Variants in DNAJC5B observed in about 807,000 individuals in gnomAD.
DNAJC5B encodes the protein dnaJ homolog subfamily C member 5B.
In DNAJC5B, 23 loss-of-function variants were observed where a neutral mutation model predicts 24.7. The ratio of observed to expected loss-of-function variants is 0.93; its 90% CI spans 0.67 to 1.32. The LOEUF is 1.32. DNAJC5B is among the 40% of genes most tolerant of loss of function. The probability of loss-of-function intolerance (pLI) is 0.00; values close to 1 mark genes in which losing one functional copy is unlikely to be tolerated. For synonymous variants in DNAJC5B, 101 were observed against 90.1 expected, an observed-to-expected ratio of 1.12 and a Z score of -0.68; for missense variants, 238 against 240.8, an observed-to-expected ratio of 0.99 and a Z score of 0.08.
chr8:66,016,873 A>G (rs987095919), upstream of DNAJC5B, among the ~76,000 whole-genome samples: 2 of 152,206 alleles, frequency 1.3e-5, no homozygotes, highest in Admixed American at 1.3e-4. Context: ...TATTAGCAGC[A>G]GTCTTTTGGA....
chr8:66,081,357 C>G (rs1452310506), intron 5 of DNAJC5B, among the ~76,000 whole-genome samples: 1 of 152,140 alleles, frequency 6.6e-6, no homozygotes, highest in African/African-American at 2.4e-5. Flanking sequence ...CATTCTCTCC[C>G]ATTATTCTCT....
intron 4 of DNAJC5B, among the ~76,000 whole-genome samples, chr8:66,078,973 A>G (rs921116138): frequency 3.9e-5 from 6 of 152,146 alleles, no homozygotes; most frequent in Non-Finnish European, 7.3e-5. Flanking sequence ...AATTAGATAA[A>G]ATCTGTGTTT....
chr8:66,080,319 G>A (rs932374784), intron 4 of DNAJC5B, 58 bp from the exon 5 acceptor site: 13 of 1,571,932 alleles, frequency 8.3e-6, no homozygotes, highest in Non-Finnish European at 1.0e-5. Flanking sequence ...GATTTCATGG[G>A]TTCTCCCCTC....
intron 1 of DNAJC5B, among the ~76,000 whole-genome samples, chr8:66,040,113 C>T (rs1806575117): frequency 6.6e-6 from 1 of 152,054 alleles, no homozygotes; most frequent in African/African-American, 2.4e-5. Context: ...GACTTGCGGC[C>T]ACACACAGTG....
At chr8:66,061,365 A>G (rs757496217) in intron 3 of DNAJC5B, among the ~76,000 whole-genome samples, 20 of 152,192 alleles carry the variant, frequency 1.3e-4, no homozygotes, top group Non-Finnish European at 2.1e-4. Context: ...CTTCATAAGT[A>G]AAGTGCAGAT....
intron 3 of DNAJC5B, chr8:66,056,862 C>T (rs13262438): frequency 0.13 from 19,094 of 152,260 alleles, 1,822 homozygotes; most frequent in East Asian, 0.33. Context: ...CATCATAGGC[C>T]GGGTGCGGTG....
intron 5 of DNAJC5B, among the ~76,000 whole-genome samples, chr8:66,083,728 A>C (rs1031655477): frequency 3.9e-5 from 6 of 152,190 alleles, no homozygotes; most frequent in Admixed American, 1.3e-4. Context: ...GTGGGGCTAC[A>C]ATAATTAACA....
chr8:66,051,614 A>T lies in DNAJC5B; in HGVS notation c.67A>T (p.Ile23Phe). 6.2e-7 allele frequency: 1 copy of T among 1,614,156 alleles called. No individual in the cohort carries two copies. The highest frequency in any genetic ancestry group is 8.5e-7 in the Non-Finnish European group (1 of 1,180,014). Residue 23 changes from isoleucine to phenylalanine, a missense_variant, in exon 3 of 6, where the codon ATT becomes TTT. Coordinates refer to ENST00000276570, the MANE Select transcript of DNAJC5B (RefSeq NM_033105.6). The part of the protein sequence containing the change: ...LSTTGEALYE[I>F]LGLHKGASNE... ...AACAACAGGAGAAGCTCTATACGAA[A>T]TTCTTGGTCTGCATAAGGGAGCATC...
At chr8:66,064,370 C>T (rs1425272807) in intron 3 of DNAJC5B, among the ~76,000 whole-genome samples, 1 of 152,128 alleles carries the variant, frequency 6.6e-6, no homozygotes, top group African/African-American at 2.4e-5. Context: ...GAACTTAAGC[C>T]AGAAGCCGGC....
intron 3 of DNAJC5B, among the ~76,000 whole-genome samples, chr8:66,074,504 C>T (rs1275556290): frequency 6.6e-6 from 1 of 152,160 alleles, no homozygotes; most frequent in Non-Finnish European, 1.5e-5. Flanking sequence ...GCATTGAATG[C>T]TATTTCTAAT....
intron 5 of DNAJC5B, among the ~76,000 whole-genome samples, chr8:66,095,123 C>T (rs542554571): frequency 1.1e-3 from 163 of 152,134 alleles, no homozygotes; most frequent in Middle Eastern, 0.01. Context: ...AAATAAATTA[C>T]GAAGTATTCC....
chr8:66,076,760 A>T lies in DNAJC5B; in HGVS notation c.220A>T (p.Ile74Phe), dbSNP rs375556133. The T allele has an allele frequency of 3.7e-6, 6 of 1,614,096 alleles. No individual in the cohort carries two copies. In the African/African-American group the frequency reaches 6.7e-5, roughly 18 times the overall value. Residue 74 changes from isoleucine to phenylalanine, a missense_variant, in exon 4 of 6, where the codon ATT becomes TTT. Transcript: ENST00000276570. ...INNAHAILTD[I>F]SKRSIYDKYG... The stretch of plus-strand genomic sequence containing the variant: ...CAACGCCCACGCAATACTTACCGAC[A>T]TTTCAAAGAGAAGCATATACGACAA...
At chr8:66,062,086 G>A (rs1337426805) in intron 3 of DNAJC5B, among the ~76,000 whole-genome samples, 1 of 152,252 alleles carries the variant, frequency 6.6e-6, no homozygotes, top group Non-Finnish European at 1.5e-5. Flanking sequence ...CATTCCATCA[G>A]TTCCTTGAGG....
intron 3 of DNAJC5B, among the ~76,000 whole-genome samples, chr8:66,072,567 T>C (rs920984602): frequency 2.0e-5 from 3 of 152,162 alleles, no homozygotes; most frequent in Non-Finnish European, 4.4e-5. Context: ...AGCAATGCAA[T>C]TATGTTAAAG....
chr8:66,026,307 C>T (rs1325317874), intron 1 of DNAJC5B, among the ~76,000 whole-genome samples: 1 of 151,902 alleles, frequency 6.6e-6, no homozygotes, highest in East Asian at 1.9e-4. Flanking sequence ...TGCTTATCAG[C>T]TTAAGGAGAT....
chr8:66,017,170 A>G (rs1194673915), upstream of DNAJC5B, among the ~76,000 whole-genome samples: 2 of 152,156 alleles, frequency 1.3e-5, no homozygotes, highest in Non-Finnish European at 2.9e-5. Context: ...TGCCTCTGCT[A>G]ATGACTTGAG....
At chr8:66,065,488 A>G (rs1376134346) in intron 3 of DNAJC5B, among the ~76,000 whole-genome samples, 2 of 152,198 alleles carry the variant, frequency 1.3e-5, no homozygotes, top group African/African-American at 2.4e-5. Flanking sequence ...CGAGCTTTCT[A>G]TTCTGTCCCT....
chr8:66,088,153 C>T, intron 5 of DNAJC5B, among the ~76,000 whole-genome samples: 1 of 152,198 alleles, frequency 6.6e-6, no homozygotes, highest in Non-Finnish European at 1.5e-5. Context: ...GTCTTCTGCA[C>T]ACCAGGAGGC....
At position 66,054,472 on chromosome 8, in the gene DNAJC5B, G is replaced by A. The variant is rs564266162; in HGVS notation, c.119+2806G>A. 7.2e-5 allele frequency among the ~76,000 whole-genome samples: 11 copies of A among 152,290 alleles called. No homozygotes were observed. In the South Asian group the frequency reaches 2.3e-3, roughly 32 times the overall value. On this transcript the variant is annotated intron_variant, in intron 3 of 5. Coordinates refer to ENST00000276570, the MANE Select transcript of DNAJC5B (RefSeq NM_033105.6). ...GCATAAGGAATGAGGTAGAATTCCA[G>A]ATCTGATTTTTTCCCAAATCCTTAG...
Sources: allele counts gnomAD v4.1 joint callset (sites outside exome capture counted in the v4.1 genomes callset), GRCh38; gene constraint gnomAD v4.1.1; transcripts MANE v1.5; gene names NCBI Gene and HGNC (gene_info 2026-07-23, HGNC 2026-07-21).